RPA2: variants seen among roughly 807,000 people sequenced by gnomAD.
RPA2 encodes the protein replication protein A2, also known as replication protein A 32 kDa subunit.
RPA2 carries 22 observed loss-of-function variants against 33.4 expected under a neutral mutation model. The observed-to-expected ratio is 0.66, with a 90% CI of 0.47 to 0.94. RPA2 has a LOEUF of 0.94. RPA2 is among the 40% of genes least tolerant of loss of function. The probability of loss-of-function intolerance (pLI) is 0.00; values close to 1 mark genes in which losing one functional copy is unlikely to be tolerated. For missense variants in RPA2, 279 were observed against 329.9 expected, an observed-to-expected ratio of 0.85 and a Z score of 1.19; for synonymous variants, 109 against 114.9, an observed-to-expected ratio of 0.95 and a Z score of 0.33.
intron 6 of RPA2, among the ~76,000 whole-genome samples, chr1:27,895,016 C>T (rs1557463283): frequency 6.6e-6 from 1 of 152,192 alleles, no homozygotes; most frequent in Non-Finnish European, 1.5e-5. Context: ...GAAGCAGACA[C>T]TGCTGACCAC....
At chr1:27,906,884 C>A in intron 4 of RPA2, 44 bp downstream of exon 4, 1 of 1,364,210 alleles carries the variant, frequency 7.3e-7, no homozygotes, top group African/African-American at 1.5e-5. Context: ...AACATCTCCA[C>A]AGTTCCAAAG....
rs143220390 is a variant in RPA2, at chr1:27,894,325, T to C, written c.598A>G (p.Met200Val). 3.4e-5 allele frequency: 55 copies of C among 1,614,082 alleles called. No homozygotes were observed. In the African/African-American group the frequency reaches 6.5e-4, roughly 19 times the overall value. ...EAGNFGGNSF[M>V]PANGLTVAQN... The stretch of plus-strand genomic sequence containing the variant: ...GCCACAGTGAGGCCATTTGCTGGCA[T>C]GAAGCTATTCCCACCAAAGTTCCCT... The change falls in exon 7 of 9, where the codon ATG (methionine) becomes GTG (valine). Residue 200 changes from methionine to valine, a missense_variant. This residue lies in a region of RPA2 where 274 missense variants were observed against 310.3 expected (regional missense o/e 0.88). Coordinates refer to ENST00000373912, the MANE Select transcript of RPA2 (RefSeq NM_002946.5).
intron 8 of RPA2, among the ~76,000 whole-genome samples, chr1:27,893,395 T>C (rs2089849041): frequency 6.6e-6 from 1 of 152,122 alleles, no homozygotes; most frequent in African/African-American, 2.4e-5. Flanking sequence ...AGCCTTGACT[T>C]TCTGGGCTCA....
At chr1:27,908,569 C>A (rs2090059991) in intron 2 of RPA2, among the ~76,000 whole-genome samples, 1 of 152,046 alleles carries the variant, frequency 6.6e-6, no homozygotes, top group South Asian at 2.1e-4. Flanking sequence ...GATCTCAGCT[C>A]ACTACAACCT....
intron 4 of RPA2, among the ~76,000 whole-genome samples, chr1:27,902,431 G>A (rs932872715): frequency 6.6e-5 from 10 of 151,758 alleles, no homozygotes; most frequent in Non-Finnish European, 2.9e-5. Flanking sequence ...CTACAGGCGT[G>A]CACCACCATG....
chr1:27,897,588 G>A lies in RPA2; in HGVS notation c.408+45C>T, dbSNP rs372591413. On this transcript the variant is annotated intron_variant, in intron 5 of 8. Coordinates refer to ENST00000373912, the MANE Select transcript of RPA2 (RefSeq NM_002946.5). ...AAGCCATGACATGAATCTAGAAACT[G>A]CTTCATGCAAAAACACTTTAACTGT... The A allele has an allele frequency of 6.8e-5, 97 of 1,429,382 alleles. No homozygotes were observed. The African/African-American group carries it at 1.1e-3, about 16-fold the overall frequency. The allele number at this position is 1,429,382 out of a possible 1,614,324, so 88.5% of individuals were successfully genotyped here. A position where few individuals can be genotyped will look rare whatever the true frequency, so the allele number is the denominator to read the frequency against.
rs2090145988 is a variant in RPA2 at position 27,914,545 on chromosome 1, T to C, written c.-102A>G. 19 of 1,610,632 alleles carry C rather than the reference T, an allele frequency of 1.2e-5. No homozygotes were observed. The highest frequency in any genetic ancestry group is 3.4e-5 in the Admixed American group (2 of 59,104). ...GCCACTGCGCCGCTCTGGCTACTTT[T>C]CTCTGGCACCACAAACGCCTTCCCG... On this transcript the variant is annotated 5_prime_UTR_variant, in exon 1 of 9. Coordinates refer to ENST00000373912, the MANE Select transcript of RPA2 (RefSeq NM_002946.5).
At chr1:27,892,348 A>G in intron 8 of RPA2, 101 bp from the exon 9 acceptor site, 1 of 836,516 alleles carries the variant, frequency 1.2e-6, no homozygotes, top group South Asian at 1.5e-5. Flanking sequence ...TTATCTCCCA[A>G]CTTTCTACCT....
At position 27,903,287 on chromosome 1, in the gene RPA2, A is replaced by G. The variant is rs2089989295; in HGVS notation, c.333+3641T>C. ...GCAAAGATACTCACTGGAGCATTGT[A>G]TATAATAGCAAACGACTGAAAAGAA... On this transcript the variant is annotated intron_variant, in intron 4 of 8. Coordinates refer to ENST00000373912, the MANE Select transcript of RPA2 (RefSeq NM_002946.5). 2.2e-5 allele frequency among the ~76,000 whole-genome samples: 3 copies of G among 134,128 alleles called. 1 individual carries two copies. The South Asian group carries it at 6.7e-4, about 30-fold the overall frequency. The allele number at this position is 134,128 out of a possible 152,430, so 88.0% of individuals were successfully genotyped here.
intron 4 of RPA2, among the ~76,000 whole-genome samples, 168 bp from the exon 5 acceptor site, chr1:27,897,875 A>C (rs1466265969): frequency 6.6e-6 from 1 of 152,252 alleles, no homozygotes; most frequent in Non-Finnish European, 1.5e-5. Flanking sequence ...ATTTTGTAAA[A>C]CCAGGAATTA....
intron 4 of RPA2, among the ~76,000 whole-genome samples, chr1:27,902,384 A>G (rs1024073163): frequency 2.0e-5 from 3 of 151,652 alleles, no homozygotes; most frequent in Admixed American, 2.0e-4. Flanking sequence ...CCTGGGTTCA[A>G]GCGAGTCTTG....
intron 4 of RPA2, among the ~76,000 whole-genome samples, chr1:27,904,435 C>T (rs2090003599): frequency 6.6e-6 from 1 of 152,068 alleles, no homozygotes; most frequent in South Asian, 2.1e-4. Flanking sequence ...TATTAGGTAT[C>T]CATAGTATCT....
Position 27,900,458 on chromosome 1 carries a change from AT to A in RPA2, c.334-2752del, listed in dbSNP as rs59692684. ...AGTATATATTGGGTGGCTGCTTAAG[AT>A]TTTTTTTTTTTTTTTGAGATAAGGT... On this transcript the variant is annotated intron_variant, in intron 4 of 8. Transcript: ENST00000373912. Among the ~76,000 whole-genome samples the A allele has an allele frequency of 6.0e-3, 834 of 140,038 alleles. 1 individual carries two copies. Among genetic ancestry groups the A allele is most frequent in the Non-Finnish European group, 6.4e-3 (406 of 63,470 alleles). The allele number at this position is 140,038 out of a possible 152,430, so 91.9% of individuals were successfully genotyped here. A position where few individuals can be genotyped will look rare whatever the true frequency, so the allele number is the denominator to read the frequency against.
chr1:27,899,931 C>T (rs544733157), intron 4 of RPA2, among the ~76,000 whole-genome samples: 509 of 152,260 alleles, frequency 3.3e-3, no homozygotes, highest in African/African-American at 0.012. Context: ...CCGCCCGCCT[C>T]GGCCTCCCAA....
chr1:27,906,806 G>C (rs1301358990), intron 4 of RPA2, 122 bp downstream of exon 4: 6 of 644,488 alleles, frequency 9.3e-6, no homozygotes, highest in South Asian at 8.8e-5. Flanking sequence ...TTACTTTAGA[G>C]TATCTGTCTT....
chr1:27,905,910 A>G (rs985055670), intron 4 of RPA2, among the ~76,000 whole-genome samples: 1 of 152,260 alleles, frequency 6.6e-6, no homozygotes, highest in Non-Finnish European at 1.5e-5. Flanking sequence ...TACAGGCGTG[A>G]GCCACCATGC....
At chr1:27,893,938 C>T (rs2089857031) in intron 8 of RPA2, 74 bp downstream of exon 8, 2 of 1,302,468 alleles carry the variant, frequency 1.5e-6, no homozygotes, top group African/African-American at 1.5e-5. Flanking sequence ...ACCCACTTCT[C>T]ACTATCAGGA....
At chr1:27,897,394 A>G (rs1472164041) in intron 5 of RPA2, among the ~76,000 whole-genome samples, 1 of 152,076 alleles carries the variant, frequency 6.6e-6, no homozygotes, top group Non-Finnish European at 1.5e-5. Context: ...TTCTCCAACT[A>G]ATGAACGCCA....
chr1:27,904,603 C>G (rs2090005326), intron 4 of RPA2, among the ~76,000 whole-genome samples: 1 of 151,952 alleles, frequency 6.6e-6, no homozygotes, highest in Non-Finnish European at 1.5e-5. Context: ...ACATAACTAC[C>G]AAGTTATTTC....
Sources: allele counts gnomAD v4.1 joint callset (sites outside exome capture counted in the v4.1 genomes callset), GRCh38; gene constraint gnomAD v4.1.1; regional missense constraint gnomAD v4.1.1; transcripts MANE v1.5; gene names NCBI Gene and HGNC (gene_info 2026-07-23, HGNC 2026-07-21).